Variants in MALRD1 observed in about 807,000 individuals in gnomAD.
MALRD1 encodes MAM and LDL-receptor class A domain-containing protein 1.
A neutral mutation model predicts 242.1 loss-of-function variants in MALRD1; 247 were observed. The ratio of observed to expected loss-of-function variants is 1.02; its 90% confidence interval spans 0.92 to 1.13. MALRD1 has a LOEUF of 1.13. Ranked by LOEUF, MALRD1 falls within the 50% of genes most tolerant of loss-of-function variation. The pLI, the probability that MALRD1 is intolerant of heterozygous loss-of-function variation, is 0.00. For synonymous variants in MALRD1, 995 were observed against 866.6 expected (o/e 1.15, Z -2.60); for missense variants, 2,989 against 2,533.1 (o/e 1.18, Z -3.86).
intron 31 of MALRD1, among the ~76,000 whole-genome samples, chr10:19,502,347 C>T (rs1838015945): frequency 1.3e-5 from 2 of 151,972 alleles, no homozygotes; most frequent in African/African-American, 2.4e-5. Context: ...TGTTCATACT[C>T]CCATTCTTTC....
At chr10:19,183,187 A>T (rs1835591510) in intron 14 of MALRD1, among the ~76,000 whole-genome samples, 1 of 151,866 alleles carries the variant, frequency 6.6e-6, no homozygotes, top group Non-Finnish European at 1.5e-5. Flanking sequence ...ATTCATAGAA[A>T]TGCTAATTCT....
intron 33 of MALRD1, 81 bp from the exon 34 acceptor site, chr10:19,595,113 A>G: frequency 7.5e-7 from 1 of 1,334,052 alleles, no homozygotes; most frequent in Non-Finnish European, 1.0e-6. Context: ...ATACAATAAG[A>G]AATGCAACCT....
intron 32 of MALRD1, among the ~76,000 whole-genome samples, chr10:19,535,010 G>A (rs904456548): frequency 9.9e-5 from 15 of 151,814 alleles, no homozygotes; most frequent in South Asian, 2.1e-4. Flanking sequence ...CTCAGCTTCC[G>A]GAGTAGCTGG....
intron 21 of MALRD1, among the ~76,000 whole-genome samples, chr10:19,291,103 A>G (rs1841401023): frequency 6.6e-6 from 1 of 152,210 alleles, no homozygotes; most frequent in African/African-American, 2.4e-5. Context: ...CCTCAAATAC[A>G]TTTTATTTCA....
intron 36 of MALRD1, among the ~76,000 whole-genome samples, chr10:19,678,936 C>A (rs1469172987): frequency 3.3e-5 from 5 of 152,046 alleles, no homozygotes; most frequent in Admixed American, 1.3e-4. Flanking sequence ...GTCTTTAGTT[C>A]TGTTTATGTG....
At chr10:19,222,495 G>C (rs12572786) in intron 18 of MALRD1, among the ~76,000 whole-genome samples, 16 of 152,124 alleles carry the variant, frequency 1.1e-4, no homozygotes, top group African/African-American at 3.4e-4. Context: ...AAATATACAC[G>C]TGTAATACGA....
chr10:19,232,137 TA>T (rs892946012), intron 18 of MALRD1, among the ~76,000 whole-genome samples: 118 of 151,734 alleles, frequency 7.8e-4, no homozygotes, highest in African/African-American at 2.4e-3. Flanking sequence ...AAATAAAAAT[TA>T]AAAAAAATGA....
chr10:19,074,619 A>AAC (rs57747944), intron 2 of MALRD1, among the ~76,000 whole-genome samples: 2 of 151,286 alleles, frequency 1.3e-5, no homozygotes, highest in African/African-American at 4.9e-5. Flanking sequence ...ATTAACTGAT[A>AAC]GATATCAACA....
intron 32 of MALRD1, among the ~76,000 whole-genome samples, chr10:19,548,709 G>A (rs76798704): frequency 0.02 from 3,023 of 152,258 alleles, 59 homozygotes; most frequent in East Asian, 0.1. Flanking sequence ...AGATTGACCT[G>A]TGGATCCCTT....
chr10:19,437,509 A>AT (rs1268011870), intron 28 of MALRD1, among the ~76,000 whole-genome samples: 3 of 151,658 alleles, frequency 2.0e-5, no homozygotes, highest in African/African-American at 7.3e-5. Context: ...TTTTATTATT[A>AT]TTATTATTTT....
At chr10:19,306,543 A>AGT (rs1232210095) in intron 21 of MALRD1, among the ~76,000 whole-genome samples, 1 of 147,928 alleles carries the variant, frequency 6.8e-6, no homozygotes, top group Admixed American at 6.9e-5. Flanking sequence ...TACTGTGTAT[A>AGT]GTATATATAT....
intron 32 of MALRD1, among the ~76,000 whole-genome samples, chr10:19,533,088 G>T (rs955626581): frequency 1.3e-5 from 2 of 152,102 alleles, no homozygotes; most frequent in Admixed American, 1.3e-4. Context: ...ATATAATGTA[G>T]GCAGATTTCG....
intron 12 of MALRD1, among the ~76,000 whole-genome samples, chr10:19,160,689 G>A (rs1398076598): frequency 5.6e-4 from 29 of 51,770 alleles, no homozygotes; most frequent in African/African-American, 2.0e-3. Context: ...GTTTAGTCTT[G>A]GGAGAGTGTA....
At chr10:19,496,908 G>A (rs1837744761) in intron 30 of MALRD1, among the ~76,000 whole-genome samples, 1 of 152,080 alleles carries the variant, frequency 6.6e-6, no homozygotes, top group Admixed American at 6.6e-5. Context: ...TTTTCATAAG[G>A]AGTTGAGATC....
chr10:19,136,625 C>A lies in MALRD1; in HGVS notation c.1255C>A (p.His419Asn). The A allele has an allele frequency of 8.1e-7, 1 of 1,231,614 alleles. No individual in the cohort carries two copies. Among genetic ancestry groups the A allele is most frequent in the South Asian group, 4.1e-5 (1 of 24,310 alleles). The allele number at this position is 1,231,614 out of a possible 1,614,324, so 76.3% of individuals were successfully genotyped here. Reference sequence around the variant, plus strand: ...CCAGAGAAGTTTTATTGCCCTTGATCACCTCTGGGTCTATGCCTGTGGACA... The same window carrying A: ...CCAGAGAAGTTTTATTGCCCTTGATAACCTCTGGGTCTATGCCTGTGGACA... Reference protein sequence around the residue: ...LSQRSFIALDHLWVYACGQTQ... With the variant: ...LSQRSFIALDNLWVYACGQTQ... Residue 419 changes from histidine (H) to asparagine (N), a missense_variant, in exon 10 of 40, where the codon CAC becomes AAC. By Grantham distance (68) the His-to-Asn change is moderately conservative (BLOSUM62 1). Transcript: ENST00000454679.
At chr10:19,562,882 T>G (rs761625843) in intron 32 of MALRD1, among the ~76,000 whole-genome samples, 4 of 152,114 alleles carry the variant, frequency 2.6e-5, no homozygotes, top group Non-Finnish European at 4.4e-5. Context: ...TGATCTGAGG[T>G]GGAGCAGTTT....
intron 14 of MALRD1, among the ~76,000 whole-genome samples, chr10:19,189,249 A>G (rs1038836724): frequency 1.3e-5 from 2 of 152,158 alleles, no homozygotes; most frequent in African/African-American, 4.8e-5. Flanking sequence ...ACCTACCAAG[A>G]TTAAAGCACA....
At position 19,237,513 on chromosome 10, in the gene MALRD1, C is replaced by CATAT. The variant is rs34727263; in HGVS notation, c.2992-20151_2992-20148dup. ...AATAGTATTTCATTGTGTGTGTGTCCATATATATATATATATATATATAAT... is the reference window on the plus strand; with the variant it reads ...AATAGTATTTCATTGTGTGTGTGTCCATATATATATATATATATATATATATAAT... On this transcript the variant is annotated intron_variant, in intron 18 of 39. Coordinates refer to ENST00000454679, the MANE Select transcript of MALRD1 (RefSeq NM_001142308.3). Among the ~76,000 whole-genome samples, 590 of 113,700 alleles carry CATAT rather than the reference C, an allele frequency of 5.2e-3. 9 individuals are homozygous for CATAT. The highest frequency in any genetic ancestry group is 6.6e-3 in the Admixed American group (60 of 9,130). 74.6% of individuals were successfully genotyped at this position (113,700 alleles called of 152,430 possible). A position where few individuals can be genotyped will look rare whatever the true frequency, so the allele number is the denominator to read the frequency against.
intron 33 of MALRD1, among the ~76,000 whole-genome samples, chr10:19,574,154 A>G (rs903627162): frequency 5.3e-5 from 8 of 152,196 alleles, no homozygotes; most frequent in African/African-American, 1.9e-4. Flanking sequence ...TCGTTAATGA[A>G]TAGAGACTCC....
Sources: gnomAD v4.1 joint callset for allele counts (sites outside exome capture counted in the v4.1 genomes callset) on GRCh38, gnomAD v4.1.1 for gene constraint, MANE v1.5 for transcripts, NCBI Gene and HGNC (gene_info 2026-07-23, HGNC 2026-07-21) for gene names.